GNG7: variants seen among roughly 807,000 people sequenced by gnomAD.
GNG7 encodes guanine nucleotide-binding protein G(I)/G(S)/G(O) subunit gamma-7.
Under a neutral mutation model 4.0 loss-of-function variants are expected in GNG7, and 1 was observed. The ratio of observed to expected loss-of-function variants is 0.25; its 90% CI spans 0.09 to 1.18. GNG7 has a LOEUF of 1.18. Among genes scored for constraint, GNG7 ranks in the 50% most tolerant of loss-of-function variants. GNG7 has a pLI of 0.50. For synonymous variants in GNG7, 34 were observed against 36.9 expected, an observed-to-expected ratio of 0.92 and a Z score of 0.29; for missense variants, 86 against 91.9, an observed-to-expected ratio of 0.94 and a Z score of 0.26.
chr19:2,693,043 C>G (rs573653423), intron 1 of GNG7, among the ~76,000 whole-genome samples: 2 of 151,764 alleles, frequency 1.3e-5, no homozygotes, highest in Non-Finnish European at 2.9e-5. Flanking sequence ...GTAATCCCAA[C>G]ACTTTGGGAG....
intron 3 of GNG7, among the ~76,000 whole-genome samples, chr19:2,549,891 A>G (rs988608304): frequency 6.6e-6 from 1 of 152,232 alleles, no homozygotes; most frequent in Non-Finnish European, 1.5e-5. Flanking sequence ...GATGACACGC[A>G]TGGAATTTCT....
At chr19:2,523,605 TA>T (rs1978321481) in intron 3 of GNG7, among the ~76,000 whole-genome samples, 1 of 152,054 alleles carries the variant, frequency 6.6e-6, no homozygotes, top group Non-Finnish European at 1.5e-5. Flanking sequence ...ACATGAGTGA[TA>T]AACTCACAGA....
intron 2 of GNG7, among the ~76,000 whole-genome samples, chr19:2,630,532 AAGTGGCCTGAG>A (rs1982132299): frequency 6.6e-6 from 1 of 152,048 alleles, no homozygotes; most frequent in Non-Finnish European, 1.5e-5. Flanking sequence ...GGAGAAGGCC[AAGTGGCCTGAG>A]AGTGGCCTCA....
intron 3 of GNG7, among the ~76,000 whole-genome samples, chr19:2,533,695 T>C (rs1425341484): frequency 6.6e-6 from 1 of 152,152 alleles, no homozygotes; most frequent in Non-Finnish European, 1.5e-5. Context: ...CATTTTCAGA[T>C]AAACAAAACC....
intron 2 of GNG7, among the ~76,000 whole-genome samples, chr19:2,578,317 G>A (rs558691357): frequency 6.6e-6 from 1 of 152,260 alleles, no homozygotes; most frequent in East Asian, 1.9e-4. Flanking sequence ...GGGACCCAGA[G>A]GACCGAGGGC....
At chr19:2,625,108 C>T (rs917692101) in intron 2 of GNG7, among the ~76,000 whole-genome samples, 5 of 152,300 alleles carry the variant, frequency 3.3e-5, no homozygotes, top group East Asian at 3.9e-4. Flanking sequence ...CTTGCTCTGT[C>T]GCCAGGCTGG....
intron 2 of GNG7, among the ~76,000 whole-genome samples, chr19:2,629,491 T>C (rs903741983): frequency 6.6e-6 from 1 of 152,100 alleles, no homozygotes; most frequent in Non-Finnish European, 1.5e-5. Context: ...TGCTTCTGGA[T>C]TTGAAACAAG....
rs1555698933 is a variant in GNG7 at position 2,633,493 on chromosome 19, A to ACACGCGCG, written c.-78+12730_-78+12731insCGCGCGTG. ...CAGGCGCGCGCGCGCGCGCGCACAC[A>ACACGCGCG]CACACACACACACACACACACACAC... On this transcript the variant is annotated intron_variant, in intron 2 of 4. Coordinates refer to ENST00000382159, the MANE Select transcript of GNG7 (RefSeq NM_052847.3). The surrounding 1 kb of genome is among the most constrained non-coding windows in gnomAD (Gnocchi z 5.9). 2.8e-3 allele frequency among the ~76,000 whole-genome samples: 317 copies of ACACGCGCG among 115,202 alleles called. 2 individuals are homozygous for ACACGCGCG. The highest frequency in any genetic ancestry group is 9.5e-3 in the African/African-American group (300 of 31,546). The allele number at this position is 115,202 out of a possible 152,430, so 75.6% of individuals were successfully genotyped here.
chr19:2,632,397 C>G (rs971820704), intron 2 of GNG7, among the ~76,000 whole-genome samples: 1 of 148,564 alleles, frequency 6.7e-6, no homozygotes, highest in Non-Finnish European at 1.5e-5. Context: ...CTATTGCATT[C>G]TAGCCTGGGA....
chr19:2,568,097 ACT>A (rs1299697078), intron 2 of GNG7, among the ~76,000 whole-genome samples: 124 of 150,722 alleles, frequency 8.2e-4, no homozygotes, highest in South Asian at 5.4e-3. Flanking sequence ...ACACACACAC[ACT>A]TACACACATG....
rs138068525 is a variant in GNG7, at chr19:2,631,664, G to T, written c.-78+14560C>A. On this transcript the variant is annotated intron_variant, in intron 2 of 4. Coordinates refer to ENST00000382159, the MANE Select transcript of GNG7 (RefSeq NM_052847.3). Reference sequence around the variant, plus strand: ...AACTTGGCCCAGGGAGCTGCAGTTTGTCTGTGGCTGTGTGCCAATAAAACT... The same window carrying T: ...AACTTGGCCCAGGGAGCTGCAGTTTTTCTGTGGCTGTGTGCCAATAAAACT... Among the ~76,000 whole-genome samples the T allele has an allele frequency of 8.9e-4, 136 of 152,296 alleles. 1 individual carries two copies. In the East Asian group the frequency reaches 0.024, roughly 27 times the overall value.
rs763871060 is a variant in GNG7, at chr19:2,515,131, G to A, written c.98C>T (p.Ser33Phe). The A allele has an allele frequency of 1.2e-6, 2 of 1,614,014 alleles. No homozygotes were observed. Among genetic ancestry groups the A allele is most frequent in the South Asian group, 1.1e-5 (1 of 91,082 alleles). ...IERIKVSKAA[S>F]DLMSYCEQHA... The stretch of plus-strand genomic sequence containing the variant: ...TTGCTCACAGTAGCTCATGAGGTCA[G>A]ACGCCGCTTTGGAGACCTGTGTTTG... The change falls in exon 5 of 5, where the codon TCT becomes TTT. Residue 33 changes from serine (S) to phenylalanine (F), a missense_variant. Transcript: ENST00000382159.
Position 2,633,181 on chromosome 19 carries a change from G to A in GNG7, c.-78+13043C>T, listed in dbSNP as rs1295864455. ...GATGAAGCGGATGGGAGGAAAATTA[G>A]CATCCAACGGGCCTCATCATTGCTG... On this transcript the variant is annotated intron_variant, in intron 2 of 4. Coordinates refer to ENST00000382159, the MANE Select transcript of GNG7 (RefSeq NM_052847.3). The surrounding 1 kb of genome is among the most constrained non-coding windows in gnomAD (Gnocchi z 5.9). 6.6e-6 allele frequency among the ~76,000 whole-genome samples: 1 copy of A among 152,208 alleles called. No individual in the cohort carries two copies. Among genetic ancestry groups the A allele is most frequent in the Non-Finnish European group, 1.5e-5 (1 of 68,032 alleles).
At position 2,512,410 on chromosome 19, in the gene GNG7, G is replaced by A. The variant is rs1411195109; in HGVS notation, c.*2612C>T. ...CCCCCAAGCTAGAAAGAAACCCACAGGCTTCTGGCAATGGCCACCTCCCTG... is the reference window on the plus strand; with the variant it reads ...CCCCCAAGCTAGAAAGAAACCCACAAGCTTCTGGCAATGGCCACCTCCCTG... On this transcript the variant is annotated 3_prime_UTR_variant, in exon 5 of 5. Coordinates refer to ENST00000382159, the MANE Select transcript of GNG7 (RefSeq NM_052847.3). The surrounding 1 kb of genome is among the most constrained non-coding windows in gnomAD (Gnocchi z 4.7). 1 of 980,046 alleles carries A rather than the reference G, an allele frequency of 1.0e-6. No homozygotes were observed. The highest frequency in any genetic ancestry group is 1.2e-6 in the Non-Finnish European group (1 of 825,186). The allele number at this position is 980,046 out of a possible 1,614,324, so 60.7% of individuals were successfully genotyped here.
chr19:2,547,786 G>A (rs140595146), intron 3 of GNG7, among the ~76,000 whole-genome samples: 35 of 152,336 alleles, frequency 2.3e-4, no homozygotes, highest in Non-Finnish European at 3.8e-4. Context: ...TCCCAGGGCC[G>A]ATCTCCTTCC....
At chr19:2,529,438 G>A (rs753408725) in intron 3 of GNG7, among the ~76,000 whole-genome samples, 3 of 152,132 alleles carry the variant, frequency 2.0e-5, no homozygotes, top group Non-Finnish European at 2.9e-5. Flanking sequence ...GGCTGGTCTC[G>A]AACTCCTGAC....
intron 2 of GNG7, among the ~76,000 whole-genome samples, chr19:2,589,384 T>TTTTTG (rs1980772252): frequency 6.7e-6 from 1 of 148,608 alleles, no homozygotes; most frequent in African/African-American, 2.5e-5. Flanking sequence ...TTTTTTTTTT[T>TTTTTG]TTTTTTTTTT....
chr19:2,662,298 TG>T (rs1191367544), intron 1 of GNG7, among the ~76,000 whole-genome samples: 1 of 150,838 alleles, frequency 6.6e-6, no homozygotes, highest in African/African-American at 2.4e-5. Context: ...AAGATATTTC[TG>T]TGACCAAATG....
In GNG7 at chr19:2,609,517, C is replaced by T. The variant is rs181498688; in HGVS notation, c.-78+36707G>A. Among the ~76,000 whole-genome samples, 14 of 152,228 alleles carry T rather than the reference C, an allele frequency of 9.2e-5. No homozygotes were observed. The highest frequency in any genetic ancestry group is 3.3e-4 in the Admixed American group (5 of 15,268). On this transcript the variant is annotated intron_variant, in intron 2 of 4. Coordinates refer to ENST00000382159, the MANE Select transcript of GNG7 (RefSeq NM_052847.3). The surrounding 1 kb of genome is among the most constrained non-coding windows in gnomAD (Gnocchi z 4.4). ...TGCTGGAGGACCTCAGGCTCTCTTC[C>T]GTGAGCCTTATTTTGGCCATTGCTG...
Sources: allele counts gnomAD v4.1 joint callset (sites outside exome capture counted in the v4.1 genomes callset), GRCh38; gene constraint gnomAD v4.1.1; non-coding constraint Gnocchi (gnomAD v3.1); transcripts MANE v1.5; gene names NCBI Gene and HGNC (gene_info 2026-07-23, HGNC 2026-07-21).